The following AFF3 variants were observed in gnomAD, a reference collection of about 807,000 sequenced individuals.
The protein encoded by AFF3 is AF4/FMR2 family member 3.
Under a neutral mutation model 129.7 loss-of-function variants are expected in AFF3, and 32 were observed. The ratio of observed to expected loss-of-function variants is 0.25; its 90% CI spans 0.19 to 0.33. AFF3 has a LOEUF of 0.33. Ranked by LOEUF, AFF3 falls within the 10% of genes least tolerant of loss-of-function variation. AFF3 has a pLI of 1.00. For synonymous variants in AFF3, 644 were observed against 635.4 expected, an observed-to-expected ratio of 1.01 and a Z score of -0.20; for missense variants, 1,373 against 1,592.0, an observed-to-expected ratio of 0.86 and a Z score of 2.34.
intron 8 of AFF3, among the ~76,000 whole-genome samples, chr2:99,774,873 T>C (rs1439415210): frequency 6.6e-6 from 1 of 151,870 alleles, no homozygotes; most frequent in Non-Finnish European, 1.5e-5. Context: ...CCAGCATCTA[T>C]AAAGAACTTA....
intron 7 of AFF3, among the ~76,000 whole-genome samples, chr2:99,996,602 G>C (rs373235183): frequency 7.0e-6 from 1 of 143,750 alleles, no homozygotes; most frequent in Non-Finnish European, 1.5e-5. Flanking sequence ...GGATGGTCTC[G>C]ATCTCCTGAC....
intron 4 of AFF3, among the ~76,000 whole-genome samples, chr2:100,073,902 A>G (rs1482858253): frequency 2.6e-5 from 4 of 152,198 alleles, no homozygotes; most frequent in African/African-American, 9.7e-5. Flanking sequence ...GGACCTGAAT[A>G]AGAGACTAAT....
Position 99,549,862 on chromosome 2 carries a change from A to AG in AFF3, c.*1611_*1612insC. ...AAACCAACCTGTAAGAATATCAGTGAATGTTTATGGATCAGCATCTAGTCT... is the reference window on the plus strand; with the variant it reads ...AAACCAACCTGTAAGAATATCAGTGAGATGTTTATGGATCAGCATCTAGTCT... On this transcript the variant is annotated 3_prime_UTR_variant, in exon 25 of 25. Coordinates refer to ENST00000672756, the MANE Select transcript of AFF3 (RefSeq NM_001386135.1). 4.4e-6 allele frequency: 1 copy of AG among 225,230 alleles called. No individual in the cohort carries two copies. The highest frequency in any genetic ancestry group is 6.4e-5 in the East Asian group (1 of 15,546). 14.0% of individuals were successfully genotyped at this position (225,230 alleles called of 1,614,324 possible).
intron 7 of AFF3, among the ~76,000 whole-genome samples, chr2:99,897,771 T>C (rs1694079807): frequency 6.6e-6 from 1 of 152,196 alleles, no homozygotes; most frequent in South Asian, 2.1e-4. Flanking sequence ...CACACATATA[T>C]TGTTTTATTT....
At chr2:99,730,352 T>C (rs1005678649) in intron 10 of AFF3, among the ~76,000 whole-genome samples, 1 of 152,200 alleles carries the variant, frequency 6.6e-6, no homozygotes, top group Non-Finnish European at 1.5e-5. Context: ...AGATAAATAA[T>C]GTGGAATTCA....
intron 4 of AFF3, among the ~76,000 whole-genome samples, chr2:100,094,330 A>G (rs544053520): frequency 4.7e-4 from 72 of 152,188 alleles, no homozygotes; most frequent in African/African-American, 1.6e-3. Flanking sequence ...TCCTGCAACT[A>G]GAGAGTCCCA....
At chr2:99,719,506 T>C (rs2104935762) in intron 11 of AFF3, among the ~76,000 whole-genome samples, 1 of 152,320 alleles carries the variant, frequency 6.6e-6, no homozygotes, top group Admixed American at 6.5e-5. Flanking sequence ...CTCCCTTTAT[T>C]TTCTGAAAGT....
At chr2:100,039,783 T>C (rs6732875) in intron 4 of AFF3, among the ~76,000 whole-genome samples, 69 of 152,176 alleles carry the variant, frequency 4.5e-4, no homozygotes, top group African/African-American at 1.6e-3. Context: ...TGGTGAAAGT[T>C]CCCCTCCTCT....
At chr2:99,610,960 C>G (rs1192830007) in intron 13 of AFF3, among the ~76,000 whole-genome samples, 1 of 152,140 alleles carries the variant, frequency 6.6e-6, no homozygotes, top group Admixed American at 6.5e-5. Flanking sequence ...CCTGCAGGTC[C>G]CTGGGGCTCT....
chr2:99,587,787 G>A (rs1449526578), intron 15 of AFF3, among the ~76,000 whole-genome samples: 7 of 152,064 alleles, frequency 4.6e-5, no homozygotes, highest in African/African-American at 1.4e-4. Context: ...CGAGGCAGGC[G>A]AATCACGAGG....
chr2:99,900,781 T>C (rs1051919528), intron 7 of AFF3, among the ~76,000 whole-genome samples: 2 of 152,156 alleles, frequency 1.3e-5, no homozygotes, highest in East Asian at 1.9e-4. Context: ...TGGGCAAGAA[T>C]AGAGCGGTAG....
At chr2:100,019,767 C>T (rs1683432647) in intron 4 of AFF3, among the ~76,000 whole-genome samples, 1 of 151,946 alleles carries the variant, frequency 6.6e-6, no homozygotes, top group Admixed American at 6.6e-5. Flanking sequence ...GTCAGATGCG[C>T]CTCAATTTCC....
intron 20 of AFF3, among the ~76,000 whole-genome samples, chr2:99,562,646 C>A (rs1358814718): frequency 1.3e-5 from 2 of 152,148 alleles, no homozygotes; most frequent in Non-Finnish European, 2.9e-5. Context: ...GCATTGAGGT[C>A]TTCTGATCAT....
chr2:99,744,083 C>G, intron 10 of AFF3, 21 bp downstream of exon 10: 1 of 1,580,894 alleles, frequency 6.3e-7, no homozygotes, highest in South Asian at 1.1e-5. Context: ...AGATGAAACT[C>G]CAGAGCGAAG....
chr2:99,910,078 T>C (rs1408471544), intron 7 of AFF3, among the ~76,000 whole-genome samples: 1 of 152,174 alleles, frequency 6.6e-6, no homozygotes, highest in Non-Finnish European at 1.5e-5. Context: ...CAATCTGAAA[T>C]GAACTTTGAA....
intron 10 of AFF3, among the ~76,000 whole-genome samples, chr2:99,734,698 T>C (rs1386192818): frequency 2.0e-5 from 3 of 152,066 alleles, no homozygotes; most frequent in Non-Finnish European, 4.4e-5. Flanking sequence ...AATTTTGAAT[T>C]CCTAAAATAA....
At chr2:100,116,780 C>T (rs537760955) in intron 2 of AFF3, among the ~76,000 whole-genome samples, 2 of 152,092 alleles carry the variant, frequency 1.3e-5, no homozygotes, top group Admixed American at 6.6e-5. Context: ...CACCTCTGGT[C>T]TTCCATTTAG....
intron 4 of AFF3, among the ~76,000 whole-genome samples, chr2:100,083,016 G>C (rs931133077): frequency 3.3e-5 from 5 of 152,138 alleles, no homozygotes; most frequent in African/African-American, 1.2e-4. Context: ...GGAGGCGGAG[G>C]TTGTGGTGAG....
At chr2:99,690,609 C>G (rs6761895) in intron 11 of AFF3, among the ~76,000 whole-genome samples, 102,924 of 151,940 alleles carry the variant, frequency 0.68, 35,804 homozygotes, top group African/African-American at 0.83. Context: ...GAGAATCCCA[C>G]GGCTTCGATC....
Sources: allele counts gnomAD v4.1 joint callset (sites outside exome capture counted in the v4.1 genomes callset), GRCh38; gene constraint gnomAD v4.1.1; transcripts MANE v1.5; gene names NCBI Gene and HGNC (gene_info 2026-07-23, HGNC 2026-07-21).